DGKI: variants seen among roughly 807,000 people sequenced by gnomAD.
DGKI encodes the protein DAG kinase iota.
Under a neutral mutation model 147.5 loss-of-function variants are expected in DGKI, and 55 were observed. The observed-to-expected ratio is 0.37, with a 90% CI of 0.30 to 0.47. The LOEUF (loss-of-function observed/expected upper bound fraction) is 0.47, where lower values mean the gene tolerates loss of function less well. Among genes scored for constraint, DGKI ranks in the 20% least tolerant of loss-of-function variants. The pLI is 1.00. For missense variants in DGKI, 1,007 were observed against 1,323.8 expected (o/e 0.76, Z 3.71); for synonymous variants, 469 against 477.1 (o/e 0.98, Z 0.22).
rs986613990 is a variant in DGKI at position 137,812,823 on chromosome 7, C to T, written c.401+33639G>A. Among the ~76,000 whole-genome samples, 8 of 152,242 alleles carry T rather than the reference C, an allele frequency of 5.3e-5. No individual in the cohort carries two copies. In the East Asian group the frequency reaches 7.7e-4, roughly 15 times the overall value. ...GTGTTCTACTCACTAAGCTATGTTG[C>T]GCCTTTGTGTGATACTAATTAGGTA... is the stretch of plus-strand genomic sequence containing the variant. On this transcript the variant is annotated intron_variant, in intron 1 of 32. Coordinates refer to ENST00000614521, the MANE Select transcript of DGKI (RefSeq NM_001321708.2).
At chr7:137,755,485 T>C (rs1214970745) in intron 1 of DGKI, among the ~76,000 whole-genome samples, 2 of 152,186 alleles carry the variant, frequency 1.3e-5, no homozygotes, top group Non-Finnish European at 2.9e-5. Flanking sequence ...TAGGTCTAGA[T>C]TGAGATCTTT....
intron 27 of DGKI, among the ~76,000 whole-genome samples, chr7:137,460,848 T>G (rs1814412419): frequency 6.6e-6 from 1 of 152,312 alleles, no homozygotes; most frequent in South Asian, 2.1e-4. Context: ...AACAATGACA[T>G]AATAAATCAA....
At chr7:137,548,236 T>C (rs1308725108) in intron 20 of DGKI, among the ~76,000 whole-genome samples, 1 of 152,150 alleles carries the variant, frequency 6.6e-6, no homozygotes, top group Non-Finnish European at 1.5e-5. Context: ...ATAGAGGAGA[T>C]GAGAGTCAAA....
intron 11 of DGKI, 103 bp from the exon 12 acceptor site, chr7:137,598,010 G>C: frequency 1.1e-6 from 1 of 928,750 alleles, no homozygotes; most frequent in Non-Finnish European, 1.7e-6. Context: ...GTGTCCGCTG[G>C]AGAAAATGTG....
chr7:137,661,079 G>A (rs538789689), intron 3 of DGKI, among the ~76,000 whole-genome samples: 2 of 152,228 alleles, frequency 1.3e-5, no homozygotes, highest in African/African-American at 4.8e-5. Flanking sequence ...TGAGGCACAC[G>A]GCAAGCTTTA....
At chr7:137,460,885 T>C (rs538471613) in intron 27 of DGKI, among the ~76,000 whole-genome samples, 7 of 152,374 alleles carry the variant, frequency 4.6e-5, no homozygotes, top group East Asian at 1.9e-4. Context: ...TGGCCTTCTA[T>C]ATAATTTTTA....
intron 10 of DGKI, among the ~76,000 whole-genome samples, chr7:137,600,705 T>C (rs558122600): frequency 6.6e-6 from 1 of 152,204 alleles, no homozygotes; most frequent in African/African-American, 2.4e-5. Flanking sequence ...AGTATTAATA[T>C]AATTTTATAG....
chr7:137,434,395 C>T (rs1232428712), intron 28 of DGKI, among the ~76,000 whole-genome samples: 2 of 152,054 alleles, frequency 1.3e-5, no homozygotes, highest in Non-Finnish European at 2.9e-5. Context: ...GGCTGACCAA[C>T]ATGGTGAAAC....
At chr7:137,507,042 C>T (rs1816392064) in intron 21 of DGKI, among the ~76,000 whole-genome samples, 1 of 152,184 alleles carries the variant, frequency 6.6e-6, no homozygotes, top group African/African-American at 2.4e-5. Context: ...TTTTTCCCTG[C>T]TGTGGGTCAC....
chr7:137,843,208 C>A (rs1798596940), intron 1 of DGKI, among the ~76,000 whole-genome samples: 1 of 151,816 alleles, frequency 6.6e-6, no homozygotes, highest in Non-Finnish European at 1.5e-5. Flanking sequence ...TCTCCTTCCC[C>A]TCCCTTATGT....
At chr7:137,725,157 C>T (rs2116635607) in intron 1 of DGKI, among the ~76,000 whole-genome samples, 1 of 152,196 alleles carries the variant, frequency 6.6e-6, no homozygotes, top group Non-Finnish European at 1.5e-5. Flanking sequence ...AATACCACTC[C>T]CTCCCAAAGC....
At chr7:137,559,102 C>T (rs1818326536) in intron 19 of DGKI, among the ~76,000 whole-genome samples, 2 of 99,342 alleles carry the variant, frequency 2.0e-5, no homozygotes, top group Admixed American at 1.5e-4. Context: ...GACGGAGTCT[C>T]GCTCTGTCGC....
At chr7:137,572,721 C>G (rs193139529) in intron 18 of DGKI, 44 bp downstream of exon 18, 1 of 1,349,366 alleles carries the variant, frequency 7.4e-7, no homozygotes, top group East Asian at 2.3e-5. Flanking sequence ...AACCTCAAGT[C>G]AGAGTTCACG....
Position 137,466,054 on chromosome 7 carries a change from T to G in DGKI, c.2485-19A>C, listed in dbSNP as rs745436099. Reference sequence around the variant, plus strand: ...AATGTTCCTAAAGAAGAACAAGAAGTCTGTTGCATGAAGAATAACAAAACA... The same window carrying G: ...AATGTTCCTAAAGAAGAACAAGAAGGCTGTTGCATGAAGAATAACAAAACA... On this transcript the variant is annotated intron_variant, in intron 25 of 32. Transcript: ENST00000614521. 2.4e-5 allele frequency: 38 copies of G among 1,612,256 alleles called. No homozygotes were observed. Among genetic ancestry groups the G allele is most frequent in the African/African-American group, 4.0e-5 (3 of 74,844 alleles).
chr7:137,518,136 A>C (rs933096284), intron 21 of DGKI, among the ~76,000 whole-genome samples: 3 of 152,076 alleles, frequency 2.0e-5, no homozygotes, highest in Non-Finnish European at 4.4e-5. Context: ...CTCTAACAAC[A>C]ACCACCACAA....
chr7:137,529,482 G>A (rs886436781), intron 20 of DGKI, among the ~76,000 whole-genome samples: 4 of 152,114 alleles, frequency 2.6e-5, no homozygotes, highest in African/African-American at 9.7e-5. Context: ...TTATTCTAGA[G>A]TGTGTTTTCT....
At chr7:137,540,761 C>CAAAAAAAAA (rs1563075671) in intron 20 of DGKI, among the ~76,000 whole-genome samples, 7 of 35,540 alleles carry the variant, frequency 2.0e-4, no homozygotes, top group East Asian at 8.9e-4. Context: ...AAAAACCCCC[C>CAAAAAAAAA]CAAAAAAAAA....
intron 1 of DGKI, among the ~76,000 whole-genome samples, chr7:137,839,726 T>C (rs1443984863): frequency 6.6e-6 from 1 of 152,238 alleles, no homozygotes; most frequent in African/African-American, 2.4e-5. Context: ...TAAATATTAC[T>C]GTTTCGAATG....
rs774045025 is a variant in DGKI at position 137,442,777 on chromosome 7, C to A, written c.2761+1300G>T. 7.9e-5 allele frequency among the ~76,000 whole-genome samples: 12 copies of A among 152,208 alleles called. No individual in the cohort carries two copies. In the South Asian group the frequency reaches 1.2e-3, roughly 16 times the overall value. ...AAACTCCTTCTCCCTTTTCTTAATT[C>A]ATTCATTTAATAAACACTTTTTCCT... On this transcript the variant is annotated intron_variant, in intron 28 of 32. Transcript: ENST00000614521.
Sources: allele counts gnomAD v4.1 joint callset (sites outside exome capture counted in the v4.1 genomes callset), GRCh38; gene constraint gnomAD v4.1.1; transcripts MANE v1.5; gene names NCBI Gene and HGNC (gene_info 2026-07-23, HGNC 2026-07-21).